Variants in RBFOX1 observed in about 807,000 individuals in gnomAD.
The protein encoded by RBFOX1 is RNA binding protein fox-1 homolog 1.
In RBFOX1, 8 loss-of-function variants were observed where a neutral mutation model predicts 57.7. The observed-to-expected ratio is 0.14, with a 90% CI of 0.08 to 0.25. The LOEUF (loss-of-function observed/expected upper bound fraction) is 0.25, where lower values mean the gene tolerates loss of function less well. Among genes scored for constraint, RBFOX1 ranks in the 10% least tolerant of loss-of-function variants. The pLI, the probability that RBFOX1 is intolerant of heterozygous loss-of-function variation, is 1.00. For synonymous variants in RBFOX1, 326 were observed against 222.4 expected (o/e 1.47, Z -4.15); for missense variants, 611 against 548.5 (o/e 1.11, Z -1.14).
At chr16:6,955,735 C>T (rs1454839039) in intron 3 of RBFOX1, among the ~76,000 whole-genome samples, 1 of 148,000 alleles carries the variant, frequency 6.8e-6, no homozygotes, top group East Asian at 1.9e-4. Flanking sequence ...GGGAGTTTCA[C>T]TCTTGTTCCC....
chr16:6,012,383 A>T (rs1339122024), intron 4 of RBFOX1, among the ~76,000 whole-genome samples: 26 of 152,174 alleles, frequency 1.7e-4, no homozygotes, highest in Admixed American at 1.7e-3. Context: ...CATGTTGGTG[A>T]GGATGCTTTA....
At chr16:5,680,458 G>T (rs1371885431) in intron 3 of RBFOX1, among the ~76,000 whole-genome samples, 1 of 152,164 alleles carries the variant, frequency 6.6e-6, no homozygotes, top group Non-Finnish European at 1.5e-5. Flanking sequence ...ACCTGGAATT[G>T]CTCTTCCTCT....
intron 1 of RBFOX1, among the ~76,000 whole-genome samples, chr16:5,388,949 T>G (rs2066328453): frequency 6.6e-6 from 1 of 150,460 alleles, no homozygotes. Flanking sequence ...CCCAGCACTT[T>G]GGGAGGCCGA....
At chr16:7,048,665 C>G (rs528344297) in intron 3 of RBFOX1, among the ~76,000 whole-genome samples, 2 of 152,198 alleles carry the variant, frequency 1.3e-5, no homozygotes, top group East Asian at 3.9e-4. Flanking sequence ...TTTATAACAG[C>G]TGCTTTAAAG....
chr16:5,837,199 C>T (rs960156891), intron 3 of RBFOX1, among the ~76,000 whole-genome samples: 5 of 152,008 alleles, frequency 3.3e-5, no homozygotes. Context: ...CTCCTCCTCC[C>T]ACGGAGGCTT....
chr16:6,101,406 A>C (rs1453520701), intron 1 of RBFOX1, among the ~76,000 whole-genome samples: 1 of 152,070 alleles, frequency 6.6e-6, no homozygotes, highest in African/African-American at 2.4e-5. Flanking sequence ...ATTTTTTCTC[A>C]CAAGGCAGCC....
Position 6,568,791 on chromosome 16 carries a change from A to T in RBFOX1, c.-63-85812A>T, listed in dbSNP as rs922697852. Among the ~76,000 whole-genome samples, 6 of 151,758 alleles carry T rather than the reference A, an allele frequency of 4.0e-5. No individual in the cohort carries two copies. The South Asian group carries it at 1.0e-3, about 26-fold the overall frequency. ...ACTCTTTTTTTTATTATTTTTTGAG[A>T]TTGAGTCTTCTCTGACACCCAGGCT... is the stretch of plus-strand genomic sequence containing the variant. On this transcript the variant is annotated intron_variant, in intron 2 of 15. Transcript: ENST00000550418.
chr16:5,391,788 T>G (rs1712500), intron 1 of RBFOX1, among the ~76,000 whole-genome samples: 1 of 150,972 alleles, frequency 6.6e-6, no homozygotes, highest in South Asian at 2.1e-4. Context: ...GCCCATCAAT[T>G]AATGAGTGGA....
chr16:5,609,547 G>C (rs1215605190), intron 3 of RBFOX1, among the ~76,000 whole-genome samples: 1 of 152,202 alleles, frequency 6.6e-6, no homozygotes, highest in Non-Finnish European at 1.5e-5. Flanking sequence ...CAAGCATGTA[G>C]AGATGTCCAC....
chr16:5,821,443 C>T (rs1453473902), intron 3 of RBFOX1, among the ~76,000 whole-genome samples: 2 of 151,926 alleles, frequency 1.3e-5, no homozygotes, highest in African/African-American at 4.8e-5. Flanking sequence ...GCTGGGACTA[C>T]AGGCACCTGC....
At chr16:7,058,591 C>T (rs999610752) in intron 4 of RBFOX1, among the ~76,000 whole-genome samples, 4 of 150,444 alleles carry the variant, frequency 2.7e-5, no homozygotes, top group East Asian at 1.9e-4. Context: ...TGTGTGTGTG[C>T]ATGCGCATGT....
At chr16:6,510,405 G>T (rs1417320827) in intron 2 of RBFOX1, among the ~76,000 whole-genome samples, 1 of 152,152 alleles carries the variant, frequency 6.6e-6, no homozygotes, top group Non-Finnish European at 1.5e-5. Context: ...TGCTCTTGTT[G>T]TTGATGACAC....
At chr16:6,610,855 C>T (rs2098038313) in intron 2 of RBFOX1, among the ~76,000 whole-genome samples, 1 of 152,118 alleles carries the variant, frequency 6.6e-6, no homozygotes, top group East Asian at 1.9e-4. Flanking sequence ...AATTGACTGC[C>T]AAACTGTTCT....
rs9930538 is a variant in RBFOX1, at chr16:6,824,363, G to A, written c.-16+169713G>A. On this transcript the variant is annotated intron_variant, in intron 3 of 15. Transcript: ENST00000550418. ...ACAGGTTGCATTGAGCTGAGATCAT[G>A]CTACAGCATGCTCCAATCTGGGCAA... Among the ~76,000 whole-genome samples, 99 of 152,316 alleles carry A rather than the reference G, an allele frequency of 6.5e-4. 1 individual carries two copies. Among genetic ancestry groups the A allele is most frequent in the African/African-American group, 2.3e-3 (97 of 41,566 alleles).
chr16:7,596,192 C>G (rs2094693530), intron 8 of RBFOX1, among the ~76,000 whole-genome samples: 1 of 140,386 alleles, frequency 7.1e-6, no homozygotes, highest in Non-Finnish European at 1.5e-5. Context: ...TTTTAAGAAG[C>G]CAGTTTGAAT....
At chr16:6,817,769 A>T (rs940244044) in intron 3 of RBFOX1, among the ~76,000 whole-genome samples, 10 of 152,134 alleles carry the variant, frequency 6.6e-5, no homozygotes, top group Non-Finnish European at 4.4e-5. Flanking sequence ...TGTTAAGTAC[A>T]TCTGTTAAAC....
At chr16:7,515,808 T>G (rs539923362) in intron 4 of RBFOX1, among the ~76,000 whole-genome samples, 4 of 152,262 alleles carry the variant, frequency 2.6e-5, no homozygotes, top group South Asian at 4.2e-4. Flanking sequence ...GCCTCACGTG[T>G]AGGGAGGTCC....
At chr16:7,111,318 A>G (rs1239647925) in intron 4 of RBFOX1, among the ~76,000 whole-genome samples, 2 of 152,226 alleles carry the variant, frequency 1.3e-5, no homozygotes, top group Non-Finnish European at 1.5e-5. Flanking sequence ...TTAATATTCT[A>G]TGGGAACCCG....
chr16:6,086,801 C>G (rs1352019246), intron 1 of RBFOX1, among the ~76,000 whole-genome samples: 1 of 152,192 alleles, frequency 6.6e-6, no homozygotes, highest in African/African-American at 2.4e-5. Flanking sequence ...GAATCATGCT[C>G]AAAGACGCTC....
Sources: gnomAD v4.1 joint callset for allele counts (sites outside exome capture counted in the v4.1 genomes callset) on GRCh38, gnomAD v4.1.1 for gene constraint, MANE v1.5 for transcripts, NCBI Gene and HGNC (gene_info 2026-07-23, HGNC 2026-07-21) for gene names.